Variants in ZNF423 observed in about 807,000 individuals in gnomAD.
The protein encoded by ZNF423 is Ebf-associated zinc finger protein.
Under a neutral mutation model 95.8 loss-of-function variants are expected in ZNF423, and 12 were observed. The ratio of observed to expected loss-of-function variants is 0.13; its 90% CI spans 0.08 to 0.20. The LOEUF is 0.20. ZNF423 is among the 10% of genes least tolerant of loss of function. ZNF423 has a pLI of 1.00. For missense variants in ZNF423, 1,316 were observed against 1,737.1 expected (o/e 0.76, Z 4.31); for synonymous variants, 749 against 711.9 (o/e 1.05, Z -0.83).
intron 1 of ZNF423, among the ~76,000 whole-genome samples, chr16:49,842,213 G>A (rs1304136869): frequency 7.1e-6 from 1 of 140,402 alleles, no homozygotes; most frequent in Non-Finnish European, 1.5e-5. Flanking sequence ...ACTCCAGCCT[G>A]TGCGACAGAG....
intron 3 of ZNF423, among the ~76,000 whole-genome samples, chr16:49,678,373 G>C (rs1204273059): frequency 1.3e-5 from 2 of 152,156 alleles, no homozygotes; most frequent in East Asian, 3.9e-4. Flanking sequence ...AAGGTGCCAT[G>C]AACTAGGAAA....
intron 5 of ZNF423, among the ~76,000 whole-genome samples, chr16:49,620,056 G>A (rs1392981214): frequency 6.6e-6 from 1 of 151,786 alleles, no homozygotes; most frequent in African/African-American, 2.4e-5. Flanking sequence ...AGTATCTCCA[G>A]GGATGTGCTT....
chr16:49,841,134 A>G (rs2035178539), intron 1 of ZNF423, among the ~76,000 whole-genome samples: 1 of 152,228 alleles, frequency 6.6e-6, no homozygotes, highest in South Asian at 2.1e-4. Context: ...GAGGCTTACC[A>G]ATAACATGGC....
chr16:49,707,614 CAAAAA>C (rs55751184), intron 3 of ZNF423, among the ~76,000 whole-genome samples: 1 of 54,794 alleles, frequency 1.8e-5, no homozygotes, highest in Admixed American at 2.2e-4. Flanking sequence ...GAGACTGTCT[CAAAAA>C]AAAAAAAAAA....
intron 5 of ZNF423, among the ~76,000 whole-genome samples, chr16:49,587,498 C>G (rs1970880213): frequency 6.6e-6 from 1 of 152,088 alleles, no homozygotes; most frequent in South Asian, 2.1e-4. Context: ...GATCTAGGAG[C>G]TGCTGCTGAG....
intron 5 of ZNF423, among the ~76,000 whole-genome samples, chr16:49,585,405 C>T (rs1391640598): frequency 6.6e-6 from 1 of 152,188 alleles, no homozygotes; most frequent in Non-Finnish European, 1.5e-5. Flanking sequence ...TCAGACCCCC[C>T]ACCCCCACAC....
At chr16:49,495,916 A>C (rs1967149406) in intron 7 of ZNF423, among the ~76,000 whole-genome samples, 1 of 152,138 alleles carries the variant, frequency 6.6e-6, no homozygotes, top group South Asian at 2.1e-4. Flanking sequence ...TCCCTTTGAT[A>C]CCTATCCATC....
At position 49,696,766 on chromosome 16, in the gene ZNF423, C is replaced by A. The variant is rs1324499422; in HGVS notation, c.301+34005G>T. 3.9e-5 allele frequency among the ~76,000 whole-genome samples: 6 copies of A among 152,182 alleles called. No individual in the cohort carries two copies. The East Asian group carries it at 9.7e-4, about 24-fold the overall frequency. On this transcript the variant is annotated intron_variant, in intron 3 of 7. Coordinates refer to ENST00000563137, the MANE Select transcript of ZNF423 (RefSeq NM_001379286.1). ...AAGTGCCTGACCTCAGGCAAGCCCC[C>A]CCCACCCAGGGTGGAAGGTTAATGT...
intron 5 of ZNF423, among the ~76,000 whole-genome samples, chr16:49,589,981 G>C (rs1292129937): frequency 6.7e-6 from 1 of 148,604 alleles, no homozygotes; most frequent in African/African-American, 2.5e-5. Flanking sequence ...CGAGTCTTGA[G>C]TCTTGTGCTG....
chr16:49,587,788 C>T (rs746341804), intron 5 of ZNF423, among the ~76,000 whole-genome samples: 1 of 152,032 alleles, frequency 6.6e-6, no homozygotes, highest in Non-Finnish European at 1.5e-5. Flanking sequence ...CTTTGCAATG[C>T]CTCTAACTTT....
chr16:49,514,965 A>G (rs1046014454), intron 7 of ZNF423, among the ~76,000 whole-genome samples: 1 of 152,238 alleles, frequency 6.6e-6, no homozygotes, highest in African/African-American at 2.4e-5. Context: ...CAGAAGTTCT[A>G]TGTCTAAAAA....
chr16:49,596,156 C>T (rs1971171827), intron 5 of ZNF423, among the ~76,000 whole-genome samples: 1 of 152,156 alleles, frequency 6.6e-6, no homozygotes, highest in African/African-American at 2.4e-5. Flanking sequence ...TTCTTTACGG[C>T]ATGCTTTTAC....
intron 7 of ZNF423, among the ~76,000 whole-genome samples, chr16:49,514,640 TGC>T (rs1303894420): frequency 6.6e-6 from 1 of 152,204 alleles, no homozygotes; most frequent in Non-Finnish European, 1.5e-5. Context: ...TACCTAGCTC[TGC>T]TTTTAATCAA....
intron 1 of ZNF423, among the ~76,000 whole-genome samples, chr16:49,827,640 C>T (rs940687454): frequency 5.9e-5 from 9 of 152,068 alleles, no homozygotes; most frequent in Non-Finnish European, 1.3e-4. Context: ...CTCAGCCTCT[C>T]GAGTAGCTGG....
intron 2 of ZNF423, among the ~76,000 whole-genome samples, chr16:49,776,993 T>G (rs1319202402): frequency 6.6e-6 from 1 of 152,246 alleles, no homozygotes; most frequent in Non-Finnish European, 1.5e-5. Flanking sequence ...CCTCTGTATG[T>G]GCATGCATTT....
chr16:49,537,893 A>G (rs1969109982), intron 5 of ZNF423, among the ~76,000 whole-genome samples: 1 of 152,148 alleles, frequency 6.6e-6, no homozygotes, highest in African/African-American at 2.4e-5. Context: ...CCATTTTCTC[A>G]GATGGTGTGG....
chr16:49,756,993 G>C (rs539732076), intron 2 of ZNF423, among the ~76,000 whole-genome samples: 1 of 152,298 alleles, frequency 6.6e-6, no homozygotes, highest in South Asian at 2.1e-4. Context: ...CCTAACTATA[G>C]TGAGAAGTCC....
chr16:49,637,537 C>A lies in ZNF423; in HGVS notation c.1639G>T (p.Ala547Ser). The change falls in exon 4 of 8, where the codon GCC (alanine) becomes TCC (serine). Residue 547 changes from alanine to serine, a missense_variant. Transcript: ENST00000563137. This position sits in a 1 kb window ranked among gnomAD's most constrained non-coding sequence, Gnocchi z 5.6. ...ESSLTEHIQQ[A>S]HCSVGSAKLE... ...TTGGCACTGCCCACACTGCAGTGGG[C>A]CTGCTGGATGTGCTCGGTGAGGGAG... The A allele has an allele frequency of 6.2e-7, 1 of 1,613,898 alleles. No individual in the cohort carries two copies. Among genetic ancestry groups the A allele is most frequent in the Non-Finnish European group, 8.5e-7 (1 of 1,179,986 alleles).
At chr16:49,677,300 A>G (rs1253497833) in intron 3 of ZNF423, among the ~76,000 whole-genome samples, 1 of 94,424 alleles carries the variant, frequency 1.1e-5, no homozygotes, top group Non-Finnish European at 2.1e-5. Flanking sequence ...AGAGAAGAGA[A>G]GAGAAGAGAA....
Sources: allele counts gnomAD v4.1 joint callset (sites outside exome capture counted in the v4.1 genomes callset), GRCh38; gene constraint gnomAD v4.1.1; non-coding constraint Gnocchi (gnomAD v3.1); transcripts MANE v1.5; gene names NCBI Gene and HGNC (gene_info 2026-07-23, HGNC 2026-07-21).